DOCK2: variants seen among roughly 807,000 people sequenced by gnomAD.
The protein encoded by DOCK2 is dedicator of cytokinesis 2, also known as dedicator of cytokinesis protein 2.
Under a neutral mutation model 248.9 loss-of-function variants are expected in DOCK2, and 87 were observed. That is an observed-to-expected ratio of 0.35 (90% CI 0.29 to 0.42). The LOEUF (loss-of-function observed/expected upper bound fraction) is 0.42, where lower values mean the gene tolerates loss of function less well. Among genes scored for constraint, DOCK2 ranks in the 10% least tolerant of loss-of-function variants. The pLI is 1.00. For synonymous variants in DOCK2, 805 were observed against 821.6 expected (o/e 0.98, Z 0.35); for missense variants, 1,747 against 2,300.2 (o/e 0.76, Z 4.92).
chr5:169,654,426 G>A lies in DOCK2; in HGVS notation c.67G>A (p.Gly23Arg), dbSNP rs376950305. ...GVAIYNFQGS[G>R]APQLSLQIGD... ...AGCCATATACAACTTCCAAGGCAGC[G>A]GAGCCCCCCAGCTCTCCCTGCAGAT... Residue 23 changes from glycine to arginine, a missense_variant, in exon 2 of 52, where the codon GGA becomes AGA. Transcript: ENST00000520908. The A allele has an allele frequency of 1.8e-5, 29 of 1,614,012 alleles. No individual in the cohort carries two copies. In the African/African-American group the frequency reaches 1.9e-4, roughly 10 times the overall value.
chr5:169,869,084 AAC>A (rs1467364883), intron 27 of DOCK2, among the ~76,000 whole-genome samples: 4 of 152,092 alleles, frequency 2.6e-5, no homozygotes, highest in African/African-American at 9.7e-5. Context: ...CTGCACATGG[AAC>A]ACTGTCTTGG....
chr5:169,856,736 CTG>C (rs1339728071), intron 27 of DOCK2, among the ~76,000 whole-genome samples: 6 of 152,188 alleles, frequency 3.9e-5, no homozygotes, highest in Non-Finnish European at 8.8e-5. Flanking sequence ...AGTGGAAACA[CTG>C]TGTGAATCAC....
At chr5:169,921,090 G>A (rs1417106506) in intron 27 of DOCK2, among the ~76,000 whole-genome samples, 3 of 152,290 alleles carry the variant, frequency 2.0e-5, no homozygotes, top group Middle Eastern at 3.4e-3. Context: ...CAATCCCAGT[G>A]TTTTGCTTCC....
At chr5:169,699,986 C>T in intron 12 of DOCK2, 28 bp from the exon 13 acceptor site, 1 of 1,611,854 alleles carries the variant, frequency 6.2e-7, no homozygotes, top group Non-Finnish European at 8.5e-7. Flanking sequence ...CAAAAGTGGG[C>T]TCTTCACGGT....
chr5:169,938,989 C>T (rs764530947), intron 27 of DOCK2, among the ~76,000 whole-genome samples: 25 of 150,740 alleles, frequency 1.7e-4, no homozygotes, highest in Non-Finnish European at 2.9e-4. Context: ...CTGCAAGCTC[C>T]GCCTCCTGGG....
At chr5:169,811,690 A>G (rs1042555264) in intron 26 of DOCK2, among the ~76,000 whole-genome samples, 1 of 152,192 alleles carries the variant, frequency 6.6e-6, no homozygotes, top group East Asian at 1.9e-4. Flanking sequence ...TTCTTATACG[A>G]CACAGTTGTT....
At chr5:169,917,162 C>T (rs540117417) in intron 27 of DOCK2, among the ~76,000 whole-genome samples, 1 of 152,312 alleles carries the variant, frequency 6.6e-6, no homozygotes, top group East Asian at 1.9e-4. Flanking sequence ...GGAAAATTCA[C>T]AGCAACCAAT....
chr5:169,882,766 T>C (rs1772732327), intron 27 of DOCK2: 1 of 1,551,784 alleles, frequency 6.4e-7, no homozygotes, highest in South Asian at 1.2e-5. Flanking sequence ...GGATGGGAGA[T>C]GATTACTTCC....
At chr5:169,820,147 C>T (rs1172907638) in intron 26 of DOCK2, among the ~76,000 whole-genome samples, 3 of 152,234 alleles carry the variant, frequency 2.0e-5, no homozygotes, top group South Asian at 2.1e-4. Context: ...TGGAGCCCAA[C>T]GCAGCTCAAG....
Position 169,637,375 on chromosome 5 carries a change from TG to T in DOCK2, c.43+7del. On this transcript the variant is annotated splice_region_variant and intron_variant, in intron 1 of 51. Transcript: ENST00000520908. The stretch of plus-strand genomic sequence containing the variant: ...CAAGGAGCGGCACGGCGTGGGTAGG[TG>T]CGGGCCCCAGGGCGCGGCAGGGAGC... The T allele has an allele frequency of 7.1e-7, 1 of 1,400,856 alleles. No individual in the cohort carries two copies. The highest frequency in any genetic ancestry group is 9.3e-7 in the Non-Finnish European group (1 of 1,076,700). The allele number at this position is 1,400,856 out of a possible 1,614,324, so 86.8% of individuals were successfully genotyped here.
intron 1 of DOCK2, among the ~76,000 whole-genome samples, chr5:169,649,127 C>T (rs1038607695): frequency 3.9e-5 from 6 of 152,232 alleles, no homozygotes; most frequent in African/African-American, 1.4e-4. Flanking sequence ...TTCTATTTCC[C>T]CCTGGAGTGG....
chr5:169,832,748 A>G (rs184270327), intron 26 of DOCK2, among the ~76,000 whole-genome samples: 2 of 152,330 alleles, frequency 1.3e-5, no homozygotes, highest in East Asian at 3.9e-4. Flanking sequence ...CAAGATAAGA[A>G]AGAAATGGAA....
chr5:170,042,146 G>C lies in DOCK2; in HGVS notation c.3876+14G>C. ...GACAAAGGAAAGGTAATCTGTCCCTGCCCACCCCCCGTGGGGACCCTGGCC... is the reference window on the plus strand; with the variant it reads ...GACAAAGGAAAGGTAATCTGTCCCTCCCCACCCCCCGTGGGGACCCTGGCC... On this transcript the variant is annotated intron_variant, in intron 38 of 51. Transcript: ENST00000520908. 6.2e-7 allele frequency: 1 copy of C among 1,602,306 alleles called. No individual in the cohort carries two copies. The highest frequency in any genetic ancestry group is 2.3e-5 in the East Asian group (1 of 44,238).
In DOCK2 at chr5:169,820,532, A is replaced by C. The variant is rs540951994; in HGVS notation, c.2703+17326A>C. 2.6e-4 allele frequency among the ~76,000 whole-genome samples: 40 copies of C among 152,256 alleles called. 1 individual carries two copies. In the South Asian group the frequency reaches 7.9e-3, roughly 30 times the overall value. ...CAGGTCTGGAGTGGACCTCCAGCAA[A>C]CTCCAACAGACCTGCAGCTGAGGGT... is the stretch of plus-strand genomic sequence containing the variant. On this transcript the variant is annotated intron_variant, in intron 26 of 51. Transcript: ENST00000520908.
At chr5:169,871,461 C>T (rs950387878) in intron 27 of DOCK2, among the ~76,000 whole-genome samples, 8 of 152,178 alleles carry the variant, frequency 5.3e-5, no homozygotes, top group African/African-American at 1.7e-4. Context: ...CAAGTTTACA[C>T]TCCTTCTCTC....
intron 32 of DOCK2, among the ~76,000 whole-genome samples, chr5:170,013,226 A>G (rs550552723): frequency 4.6e-5 from 7 of 152,180 alleles, no homozygotes; most frequent in African/African-American, 1.7e-4. Flanking sequence ...GCTGCTGGGA[A>G]TAAATAGGAA....
intron 27 of DOCK2, among the ~76,000 whole-genome samples, chr5:169,969,362 T>C (rs1022759154): frequency 6.6e-6 from 1 of 151,994 alleles, no homozygotes; most frequent in Non-Finnish European, 1.5e-5. Flanking sequence ...GGAGATTCAC[T>C]TGAACTTGGG....
intron 34 of DOCK2, among the ~76,000 whole-genome samples, chr5:170,032,200 G>A (rs1300506560): frequency 6.6e-6 from 1 of 151,932 alleles, no homozygotes; most frequent in Non-Finnish European, 1.5e-5. Flanking sequence ...CTAATTTTTT[G>A]TATTTTTAGT....
At chr5:169,715,650 T>C (rs1055755518) in intron 19 of DOCK2, among the ~76,000 whole-genome samples, 1 of 151,682 alleles carries the variant, frequency 6.6e-6, no homozygotes, top group Non-Finnish European at 1.5e-5. Context: ...TATGATGAAA[T>C]AGATACAGAG....
Sources: allele counts gnomAD v4.1 joint callset (sites outside exome capture counted in the v4.1 genomes callset), GRCh38; gene constraint gnomAD v4.1.1; transcripts MANE v1.5; gene names NCBI Gene and HGNC (gene_info 2026-07-23, HGNC 2026-07-21).